SLIT3: variants seen among roughly 807,000 people sequenced by gnomAD.
SLIT3 encodes slit guidance ligand 3, also known as slit homolog 3 protein.
In SLIT3, 68 loss-of-function variants were observed where a neutral mutation model predicts 184.0. That is an observed-to-expected ratio of 0.37 (90% CI 0.30 to 0.45). SLIT3 has a LOEUF of 0.45. Among genes scored for constraint, SLIT3 ranks in the 20% least tolerant of loss-of-function variants. The pLI, the probability that SLIT3 is intolerant of heterozygous loss-of-function variation, is 1.00. For synonymous variants in SLIT3, 831 were observed against 828.6 expected, an observed-to-expected ratio of 1.00 and a Z score of -0.05; for missense variants, 1,707 against 2,026.0, an observed-to-expected ratio of 0.84 and a Z score of 3.02.
chr5:169,037,770 A>C (rs2113550325), intron 4 of SLIT3: 1 of 152,344 alleles, frequency 6.6e-6, no homozygotes, highest in South Asian at 2.1e-4. Flanking sequence ...CGCAGGGGAA[A>C]TCAAAACAAG....
At chr5:169,086,980 T>C (rs1190022932) in intron 4 of SLIT3, among the ~76,000 whole-genome samples, 2 of 152,196 alleles carry the variant, frequency 1.3e-5, no homozygotes, top group African/African-American at 2.4e-5. Context: ...GGGCTGAAGA[T>C]TAGTGCTATG....
intron 4 of SLIT3, among the ~76,000 whole-genome samples, chr5:169,050,895 A>G (rs1195030548): frequency 1.3e-5 from 2 of 152,182 alleles, no homozygotes; most frequent in Admixed American, 1.3e-4. Flanking sequence ...TGTTGGCACT[A>G]TTTATGTTTC....
chr5:168,960,526 G>A (rs1762969310), intron 4 of SLIT3, among the ~76,000 whole-genome samples: 1 of 152,222 alleles, frequency 6.6e-6, no homozygotes, highest in African/African-American at 2.4e-5. Context: ...ACAGATTTAA[G>A]TGGCAGAGCT....
At chr5:169,207,800 C>T (rs1764125009) in intron 3 of SLIT3, among the ~76,000 whole-genome samples, 1 of 152,050 alleles carries the variant, frequency 6.6e-6, no homozygotes, top group Non-Finnish European at 1.5e-5. Context: ...GTGACTGGGC[C>T]ATGAGGGTGG....
intron 4 of SLIT3, among the ~76,000 whole-genome samples, chr5:168,932,574 T>C (rs1482999419): frequency 6.6e-6 from 1 of 152,068 alleles, no homozygotes; most frequent in African/African-American, 2.4e-5. Flanking sequence ...AGGTAGATAG[T>C]ATAGATAAGC....
At chr5:169,116,227 T>C (rs981851426) in intron 4 of SLIT3, among the ~76,000 whole-genome samples, 3 of 152,186 alleles carry the variant, frequency 2.0e-5, no homozygotes, top group African/African-American at 7.2e-5. Flanking sequence ...AAATCATTAC[T>C]GCAGGGCAGT....
chr5:168,884,358 C>T (rs1018534794), intron 4 of SLIT3, among the ~76,000 whole-genome samples: 10 of 149,438 alleles, frequency 6.7e-5, no homozygotes, highest in African/African-American at 1.7e-4. Flanking sequence ...GGTGCAGAGC[C>T]GGGGGCTAGG....
At chr5:169,126,993 A>G (rs1384804383) in intron 4 of SLIT3, among the ~76,000 whole-genome samples, 2 of 151,174 alleles carry the variant, frequency 1.3e-5, no homozygotes, top group African/African-American at 2.4e-5. Context: ...GGCCTCAAGT[A>G]ATTTATCCAA....
intron 31 of SLIT3, among the ~76,000 whole-genome samples, 194 bp from the exon 32 acceptor site, chr5:168,684,290 T>C (rs1761680263): frequency 6.6e-6 from 1 of 152,178 alleles, no homozygotes; most frequent in South Asian, 2.1e-4. Context: ...CAGCAAGTGC[T>C]GACTGAGCAA....
intron 4 of SLIT3, among the ~76,000 whole-genome samples, chr5:169,111,375 T>C (rs1267394852): frequency 1.3e-5 from 2 of 152,238 alleles, no homozygotes; most frequent in African/African-American, 4.8e-5. Context: ...TTTTTGGCTT[T>C]GGGGCCATAC....
chr5:169,166,769 T>C (rs1351235343), intron 4 of SLIT3, among the ~76,000 whole-genome samples: 1 of 152,200 alleles, frequency 6.6e-6, no homozygotes, highest in African/African-American at 2.4e-5. Flanking sequence ...AAAAGAATGA[T>C]GCCTCCTATC....
Position 168,772,825 on chromosome 5 carries a change from T to C in SLIT3, c.1415A>G (p.Asn472Ser), listed in dbSNP as rs1755602023. 6.2e-7 allele frequency: 1 copy of C among 1,614,130 alleles called. No individual in the cohort carries two copies. Among genetic ancestry groups the C allele is most frequent in the African/African-American group, 1.3e-5 (1 of 75,058 alleles). The change falls in exon 14 of 36, where the codon AAC becomes AGC. Residue 472 changes from asparagine to serine, a missense_variant. Physicochemically the swap from Asn to Ser is conservative, Grantham distance 46. Around this residue, in one of 3 missense-constraint regions of SLIT3, gnomAD observed 1,307 missense variants for 1,511.6 expected, o/e 0.86. Transcript: ENST00000519560. ...ARCSSPRRLA[N>S]KRISQIKSKK... ...GCTCTTGATCTGGCTGATGCGCTTG[T>C]TGGCGAGTCGGCGCGGGCTGCTGCA...
At chr5:169,150,243 C>T (rs1255699191) in intron 4 of SLIT3, among the ~76,000 whole-genome samples, 1 of 152,196 alleles carries the variant, frequency 6.6e-6, no homozygotes, top group Non-Finnish European at 1.5e-5. Flanking sequence ...GTCCAGATCT[C>T]TAAGTTAATT....
intron 4 of SLIT3, among the ~76,000 whole-genome samples, chr5:169,182,772 C>A (rs1276251028): frequency 6.6e-6 from 1 of 152,154 alleles, no homozygotes; most frequent in East Asian, 1.9e-4. Flanking sequence ...CAGTATTTCC[C>A]TAATATTTAA....
intron 3 of SLIT3, among the ~76,000 whole-genome samples, chr5:169,201,793 A>G (rs1763911115): frequency 6.6e-6 from 1 of 152,246 alleles, no homozygotes; most frequent in South Asian, 2.1e-4. Context: ...GCAGTGACTC[A>G]TACCACTTCT....
chr5:168,821,671 T>A (rs892248842), intron 7 of SLIT3, among the ~76,000 whole-genome samples: 1 of 152,228 alleles, frequency 6.6e-6, no homozygotes, highest in Non-Finnish European at 1.5e-5. Context: ...GCTCAGATTA[T>A]TATTCTTTAT....
At chr5:169,218,479 T>G (rs1014962385) in intron 3 of SLIT3, among the ~76,000 whole-genome samples, 3 of 152,238 alleles carry the variant, frequency 2.0e-5, no homozygotes, top group Non-Finnish European at 4.4e-5. Flanking sequence ...CCAGATCTGC[T>G]GATTCTGACT....
At chr5:168,998,489 A>G (rs1478192224) in intron 4 of SLIT3, among the ~76,000 whole-genome samples, 1 of 152,120 alleles carries the variant, frequency 6.6e-6, no homozygotes, top group Non-Finnish European at 1.5e-5. Flanking sequence ...GCAGATCAGA[A>G]GGTCAGGAGT....
chr5:169,195,243 T>C (rs1157329007), intron 3 of SLIT3, among the ~76,000 whole-genome samples: 1 of 152,170 alleles, frequency 6.6e-6, no homozygotes, highest in Non-Finnish European at 1.5e-5. Context: ...TTTGCTCCCA[T>C]TTCCCCCCTT....
Sources: gnomAD v4.1 joint callset for allele counts (sites outside exome capture counted in the v4.1 genomes callset) on GRCh38, gnomAD v4.1.1 for gene constraint, gnomAD v4.1.1 regional missense constraint, MANE v1.5 for transcripts, NCBI Gene and HGNC (gene_info 2026-07-23, HGNC 2026-07-21) for gene names.